The following KIF13B variants were observed in gnomAD, a reference collection of about 807,000 sequenced individuals.
The protein encoded by KIF13B is kinesin-like protein KIF13B.
In KIF13B, 127 loss-of-function variants were observed where a neutral mutation model predicts 222.0. The ratio of observed to expected loss-of-function variants is 0.57; its 90% confidence interval spans 0.50 to 0.66. The LOEUF (loss-of-function observed/expected upper bound fraction) is 0.66, where lower values mean the gene tolerates loss of function less well. KIF13B is among the 30% of genes least tolerant of loss of function. The pLI, the probability that KIF13B is intolerant of heterozygous loss-of-function variation, is 0.00. For synonymous variants in KIF13B, 976 were observed against 919.0 expected (o/e 1.06, Z -1.12); for missense variants, 2,173 against 2,379.0 (o/e 0.91, Z 1.80).
chr8:29,228,982 A>C (rs1176892678), intron 2 of KIF13B, among the ~76,000 whole-genome samples: 1 of 151,618 alleles, frequency 6.6e-6, no homozygotes, highest in Non-Finnish European at 1.5e-5. Context: ...TAGGGTCAAC[A>C]TCCTGATAAA....
intron 13 of KIF13B, among the ~76,000 whole-genome samples, chr8:29,160,368 T>C (rs1811721720): frequency 2.6e-5 from 4 of 152,240 alleles, no homozygotes; most frequent in African/African-American, 9.6e-5. Flanking sequence ...GCTAACACAC[T>C]GCTCACAAAA....
At chr8:29,109,681 G>A (rs1809263457) in intron 33 of KIF13B, among the ~76,000 whole-genome samples, 170 bp from the exon 34 acceptor site, 1 of 152,176 alleles carries the variant, frequency 6.6e-6, no homozygotes, top group Non-Finnish European at 1.5e-5. Context: ...AACAGCACAT[G>A]AGCTCCATAA....
chr8:29,092,786 C>T lies in KIF13B; in HGVS notation c.4417G>A (p.Asp1473Asn), dbSNP rs201563049. ...GACGGCCGCTTGCCCCTCTTCTCAT[C>T]GCGGACGGGAAAGAGAGACTTGAGG... ...KLLKSLFPVR[D>N]EKRGKRPSPL... Residue 1473 changes from aspartate (D) to asparagine (N), a missense_variant, in exon 37 of 40, where the codon GAT (aspartate) becomes AAT (asparagine). Physicochemically the swap from Asp to Asn is conservative, Grantham distance 23 (BLOSUM62 1). Coordinates refer to ENST00000524189, the MANE Select transcript of KIF13B (RefSeq NM_015254.4). 6.0e-5 allele frequency: 96 copies of T among 1,613,334 alleles called. No homozygotes were observed. In the East Asian group the frequency reaches 8.2e-4, roughly 14 times the overall value.
At chr8:29,144,979 G>T (rs1810993382) in intron 18 of KIF13B, among the ~76,000 whole-genome samples, 1 of 152,140 alleles carries the variant, frequency 6.6e-6, no homozygotes, top group South Asian at 2.1e-4. Flanking sequence ...CATGCTTACT[G>T]GGGAAAAATC....
chr8:29,186,393 T>G lies in KIF13B; in HGVS notation c.396A>C (p.Glu132Asp). 1 of 1,613,876 alleles carries G rather than the reference T, an allele frequency of 6.2e-7. No homozygotes were observed. The highest frequency in any genetic ancestry group is 8.5e-7 in the Non-Finnish European group (1 of 1,179,746). Reference protein sequence around the residue: ...LIPRLCSGLFERTQKEENEEQ... With the variant: ...LIPRLCSGLFDRTQKEENEEQ... ...CTTCATTTTCCTCTTTCTGAGTTCG[T>G]TCAAAGAGTCCACTGCAAAGTCTTG... Residue 132 changes from glutamate (E) to aspartate (D), a missense_variant, in exon 6 of 40, where the codon GAA (glutamate) becomes GAC (aspartate). Glu to Asp is a conservative substitution (Grantham distance 45). Transcript: ENST00000524189.
At chr8:29,164,730 G>T (rs550829828) in intron 12 of KIF13B, among the ~76,000 whole-genome samples, 61 of 152,218 alleles carry the variant, frequency 4.0e-4, no homozygotes, top group African/African-American at 1.3e-3. Context: ...TAAAACAGTT[G>T]GAAAATCATG....
At chr8:29,225,250 C>G (rs1362463796) in intron 2 of KIF13B, among the ~76,000 whole-genome samples, 1 of 152,186 alleles carries the variant, frequency 6.6e-6, no homozygotes, top group African/African-American at 2.4e-5. Flanking sequence ...GAAGGACAGA[C>G]TAGTCCAGCC....
intron 12 of KIF13B, 120 bp from the exon 13 acceptor site, chr8:29,160,987 G>T: frequency 2.7e-6 from 2 of 749,708 alleles, no homozygotes; most frequent in Non-Finnish European, 4.1e-6. Flanking sequence ...CATTCTCTTA[G>T]GCTATGGCAT....
In KIF13B at chr8:29,102,221, C is replaced by T. The variant is rs903757937; in HGVS notation, c.4216-2980G>A. Among the ~76,000 whole-genome samples, 16 of 152,282 alleles carry T rather than the reference C, an allele frequency of 1.1e-4. No homozygotes were observed. The East Asian group carries it at 1.2e-3, about 11-fold the overall frequency. On this transcript the variant is annotated intron_variant, in intron 35 of 39. Transcript: ENST00000524189. ...GCTCTCTCAATAGCTCAGGTCTAAACGTGAAAGAGTATGATATCCCTGTTT... is the reference window on the plus strand; with the variant it reads ...GCTCTCTCAATAGCTCAGGTCTAAATGTGAAAGAGTATGATATCCCTGTTT...
In KIF13B at chr8:29,075,358, G is replaced by A. The variant is rs1034957500; in HGVS notation, c.4459-15C>T. ...CGGGGCACGGGCTGAGGAGGCAAGT[G>A]TGCAGGTCAGGGGTCGAGAGGACAG... is the stretch of plus-strand genomic sequence containing the variant. On this transcript the variant is annotated splice_polypyrimidine_tract_variant and intron_variant, in intron 37 of 39. Transcript: ENST00000524189. 4.5e-6 allele frequency: 7 copies of A among 1,554,492 alleles called. No individual in the cohort carries two copies. The highest frequency in any genetic ancestry group is 5.2e-6 in the Non-Finnish European group (6 of 1,148,650).
At chr8:29,169,316 C>G (rs1048956806) in intron 10 of KIF13B, among the ~76,000 whole-genome samples, 1 of 152,192 alleles carries the variant, frequency 6.6e-6, no homozygotes, top group African/African-American at 2.4e-5. Context: ...AAATCTAGAA[C>G]TGGTAAGTTG....
intron 2 of KIF13B, among the ~76,000 whole-genome samples, chr8:29,231,471 A>G (rs1046458872): frequency 1.3e-5 from 2 of 152,242 alleles, no homozygotes; most frequent in Admixed American, 6.5e-5. Context: ...TGGCCGAGTG[A>G]CTAAGGAGGG....
In KIF13B at chr8:29,071,655, C is replaced by T. The variant is rs1807281343; in HGVS notation, c.5183G>A (p.Gly1728Asp). 6.4e-7 allele frequency: 1 copy of T among 1,555,294 alleles called. No homozygotes were observed. ...GTCGAGCTCCACGCCGACCCACGTG[C>T]CCTCTTGGAAGTCGGCAGGCCCCAC... ...RYVGPADFQE[G>D]TWVGVELDLP... is the part of the protein sequence containing the mutation. Residue 1728 changes from glycine (G) to aspartate (D), a missense_variant, in exon 39 of 40, where the codon GGC becomes GAC. This residue lies in a region of KIF13B where 693 missense variants were observed against 656.2 expected (regional missense o/e 1.06). Transcript: ENST00000524189. This position sits in a 1 kb window ranked among gnomAD's most constrained non-coding sequence, Gnocchi z 4.9.
chr8:29,238,870 G>A (rs1815631560), intron 2 of KIF13B, among the ~76,000 whole-genome samples: 1 of 151,846 alleles, frequency 6.6e-6, no homozygotes, highest in Non-Finnish European at 1.5e-5. Flanking sequence ...GGGTGGAGAG[G>A]ACAAAAAAAG....
Position 29,227,953 on chromosome 8 carries a change from A to T in KIF13B, c.149+17393T>A, listed in dbSNP as rs187069573. Among the ~76,000 whole-genome samples, 601 of 151,676 alleles carry T rather than the reference A, an allele frequency of 4.0e-3. 7 individuals are homozygous for T. The highest frequency in any genetic ancestry group is 0.013 in the African/African-American group (529 of 41,156). ...GCAATAGAGCAAGACTTTAAAAAAA[A>T]TTTTTTTTAAGTCTGCTCTAGAAGC... On this transcript the variant is annotated intron_variant, in intron 2 of 39. Transcript: ENST00000524189.
In KIF13B at chr8:29,071,728, C is replaced by T. The variant is rs1807286210; in HGVS notation, c.5110G>A (p.Gly1704Ser). The T allele has an allele frequency of 6.5e-7, 1 of 1,550,084 alleles. No homozygotes were observed. Among genetic ancestry groups the T allele is most frequent in the Non-Finnish European group, 8.7e-7 (1 of 1,146,694 alleles). The change falls in exon 39 of 40, where the codon GGC (glycine) becomes AGC (serine). Residue 1704 changes from glycine to serine, a missense_variant. Gly to Ser is a moderately conservative substitution (Grantham distance 56, BLOSUM62 0). Coordinates refer to ENST00000524189, the MANE Select transcript of KIF13B (RefSeq NM_015254.4). The surrounding 1 kb of genome is among the most constrained non-coding windows in gnomAD (Gnocchi z 4.9). ...TGGGCGCCCACGGTGACGAACTCGC[C>T]CTCTCGGAGCCACTCCGGGACCTCG... ...ADEVPEWLRE[G>S]EFVTVGAHKT... is the part of the protein sequence containing the mutation.
intron 1 of KIF13B, 22 bp from the exon 2 acceptor site, chr8:29,245,461 A>T: frequency 6.7e-7 from 1 of 1,502,730 alleles, no homozygotes; most frequent in South Asian, 1.3e-5. Flanking sequence ...AAAACAAGAA[A>T]AACAGTCATT....
Position 29,140,620 on chromosome 8 carries a change from G to A in KIF13B, c.2335-3C>T. 4 of 1,606,468 alleles carry A rather than the reference G, an allele frequency of 2.5e-6. No individual in the cohort carries two copies. The highest frequency in any genetic ancestry group is 2.2e-5 in the East Asian group (1 of 44,808). On this transcript the variant is annotated splice_region_variant and splice_polypyrimidine_tract_variant and intron_variant, in intron 19 of 39. Transcript: ENST00000524189. ...CGTTTGAAGTATGATCGTATTACCT[G>A]TAAAGAGATTGAGAACACACAACTT...
chr8:29,210,060 AGAG>A (rs1037181523), intron 2 of KIF13B, among the ~76,000 whole-genome samples: 3 of 144,256 alleles, frequency 2.1e-5, no homozygotes, highest in African/African-American at 8.0e-5. Flanking sequence ...TGTCTCAGAG[AGAG>A]AAAAAAAAAA....
Sources: allele counts gnomAD v4.1 joint callset (sites outside exome capture counted in the v4.1 genomes callset), GRCh38; gene constraint gnomAD v4.1.1; regional missense constraint gnomAD v4.1.1; non-coding constraint Gnocchi (gnomAD v3.1); transcripts MANE v1.5; gene names NCBI Gene and HGNC (gene_info 2026-07-23, HGNC 2026-07-21).